The following PCNX3 variants were observed in gnomAD, a reference collection of about 807,000 sequenced individuals.
The protein encoded by PCNX3 is pecanex-like protein 3.
In PCNX3, 58 loss-of-function variants were observed where a neutral mutation model predicts 207.2. The observed-to-expected ratio is 0.28, with a 90% CI of 0.23 to 0.35. The LOEUF is 0.35. Among genes scored for constraint, PCNX3 ranks in the 10% least tolerant of loss-of-function variants. PCNX3 has a pLI of 1.00. For missense variants in PCNX3, 2,410 were observed against 2,774.4 expected (o/e 0.87, Z 2.95); for synonymous variants, 1,337 against 1,183.5 (o/e 1.13, Z -2.66).
rs761144096 is a variant in PCNX3, at chr11:65,636,832, C to A, written c.5959C>A (p.Pro1987Thr). The change falls in exon 35 of 35, where the codon CCC becomes ACC. Residue 1987 changes from proline to threonine, a missense_variant. By Grantham distance (38) the Pro-to-Thr change is conservative (BLOSUM62 -1). This residue lies in a region of PCNX3 where 278 missense variants were observed against 245.1 expected (regional missense o/e 1.13). Coordinates refer to ENST00000355703, the MANE Select transcript of PCNX3 (RefSeq NM_032223.4). ...LSPDVSTEAS[P>T]PRASQDIPCL... ...CCCCGATGTCAGCACTGAGGCCTCA[C>A]CCCCCAGAGCTTCCCAGGACATTCC... 5.2e-6 allele frequency: 8 copies of A among 1,550,798 alleles called. No homozygotes were observed. The Admixed American group carries it at 1.4e-4, about 27-fold the overall frequency.
chr11:65,633,992 A>G (rs1855721757), intron 27 of PCNX3, 134 bp from the exon 28 acceptor site: 5 of 822,438 alleles, frequency 6.1e-6, no homozygotes, highest in Non-Finnish European at 9.3e-6. Context: ...GAGAGCTGAG[A>G]TGGCTCTAGG....
rs111372829 is a variant in PCNX3, at chr11:65,625,022, G to A, written c.2919+6G>A. ...TCTGCCTTGGGGCCATCAAGGTAGG[G>A]GTGGCTTGCGAGGTGGGGGCATGCT... On this transcript the variant is annotated splice_donor_region_variant and intron_variant, in intron 16 of 34. Coordinates refer to ENST00000355703, the MANE Select transcript of PCNX3 (RefSeq NM_032223.4). This position sits in a 1 kb window ranked among gnomAD's most constrained non-coding sequence, Gnocchi z 5.6. The A allele has an allele frequency of 1.9e-6, 3 of 1,611,144 alleles. No individual in the cohort carries two copies. Among genetic ancestry groups the A allele is most frequent in the African/African-American group, 1.3e-5 (1 of 75,008 alleles).
intron 27 of PCNX3, among the ~76,000 whole-genome samples, chr11:65,632,743 T>A (rs1565170647): frequency 6.7e-6 from 1 of 150,056 alleles, no homozygotes; most frequent in African/African-American, 2.5e-5. Context: ...CTGAAGCTTT[T>A]CTTTTTTTTA....
Position 65,637,271 on chromosome 11 carries a change from A to G in PCNX3, c.*293A>G. 1 of 433,484 alleles carries G rather than the reference A, an allele frequency of 2.3e-6. No individual in the cohort carries two copies. Among genetic ancestry groups the G allele is most frequent in the Non-Finnish European group, 4.2e-6 (1 of 238,692 alleles). 26.9% of individuals were successfully genotyped at this position (433,484 alleles called of 1,614,324 possible). On this transcript the variant is annotated 3_prime_UTR_variant, in exon 35 of 35. Transcript: ENST00000355703. ...CCACTTGGAGCCTGTGGCCAGGACC[A>G]CCTCAGCCCCTGGGCCTGCACTGCC...
At position 65,628,713 on chromosome 11, in the gene PCNX3, C is replaced by T. The variant is rs751084467; in HGVS notation, c.3811+10C>T. On this transcript the variant is annotated intron_variant, in intron 23 of 34. Coordinates refer to ENST00000355703, the MANE Select transcript of PCNX3 (RefSeq NM_032223.4). ...CCGTTTGCCGTGCCACGTATCCAGC[C>T]TGTGTTTGGGTGGGGGTGTGCAGGG... 1 of 1,417,956 alleles carries T rather than the reference C, an allele frequency of 7.1e-7. No homozygotes were observed. The allele number at this position is 1,417,956 out of a possible 1,614,324, so 87.8% of individuals were successfully genotyped here.
In PCNX3 at chr11:65,634,250, T is replaced by C; in HGVS notation, c.4595T>C (p.Leu1532Pro). ...GYADSDPTFS[L>P]SVDEDYDLRL... ...GCCGACTCGGATCCCACCTTCTCGC[T>C]GAGTGTGGATGAGGACTATGACCTC... The change falls in exon 28 of 35, where the codon CTG becomes CCG. Residue 1532 changes from leucine to proline, a missense_variant. Around this residue, in one of 8 missense-constraint regions of PCNX3, gnomAD observed 420 missense variants for 705.3 expected, o/e 0.60. Transcript: ENST00000355703. 1 of 1,612,950 alleles carries C rather than the reference T, an allele frequency of 6.2e-7. No individual in the cohort carries two copies. The highest frequency in any genetic ancestry group is 2.2e-5 in the East Asian group (1 of 44,864).
At position 65,618,583 on chromosome 11, in the gene PCNX3, C is replaced by T; in HGVS notation, c.1221C>T (p.Ala407=). ...PLRRHSPPGR[A]PRRPLLEGGG... is the part of the protein sequence containing the mutation. Reference sequence around the variant, plus strand: ...GAAGACACTCTCCACCTGGCCGTGCCCCTCGACGGCCCCTGCTTGAAGGTG... The same window carrying T: ...GAAGACACTCTCCACCTGGCCGTGCTCCTCGACGGCCCCTGCTTGAAGGTG... Residue 407 remains alanine, a synonymous_variant, in exon 6 of 35, where the codon GCC becomes GCT. Transcript: ENST00000355703. 2.5e-6 allele frequency: 4 copies of T among 1,612,042 alleles called. No individual in the cohort carries two copies. The highest frequency in any genetic ancestry group is 2.2e-5 in the East Asian group (1 of 44,860).
Position 65,619,066 on chromosome 11 carries a change from AGGTG to A in PCNX3, c.1705_1705+3del, listed in dbSNP as rs1854924154. 1 of 1,578,788 alleles carries A rather than the reference AGGTG, an allele frequency of 6.3e-7. No homozygotes were observed. On this transcript the variant is annotated splice_donor_variant and splice_donor_region_variant and coding_sequence_variant and intron_variant, in exon 6 of 35. Transcript: ENST00000355703. LOFTEE classifies it high-confidence loss of function. ...TGCAGGAGGAAGGTGCTGTGGGGGG[AGGTG>A]AGTGCTTGCTCTAGAGGCAGGGGCT...
chr11:65,619,504 G>A lies in PCNX3; in HGVS notation c.1706-33G>A, dbSNP rs371426460. 4 of 1,606,450 alleles carry A rather than the reference G, an allele frequency of 2.5e-6. No homozygotes were observed. The South Asian group carries it at 3.3e-5, about 13-fold the overall frequency. On this transcript the variant is annotated intron_variant, in intron 6 of 34. Transcript: ENST00000355703. ...CTCCCCCAGCCTTGTCTGAGCATCT[G>A]TCACTTACACTTGGGGGCCTCTCTC...
In PCNX3 at chr11:65,635,657, C is replaced by T. The variant is rs910123548; in HGVS notation, c.5313C>T (p.Ser1771=). 6.2e-7 allele frequency: 1 copy of T among 1,612,642 alleles called. No homozygotes were observed. The highest frequency in any genetic ancestry group is 8.5e-7 in the Non-Finnish European group (1 of 1,179,672). ...AGGCGCTTCGCAACATGATCAACTCCTCCTGTGACCAGCCGCTGGGCTACC... is the reference window on the plus strand; with the variant it reads ...AGGCGCTTCGCAACATGATCAACTCTTCCTGTGACCAGCCGCTGGGCTACC... ...AKQALRNMIN[S]SCDQPLGYPI... The change falls in exon 32 of 35, where the codon TCC becomes TCT. Residue 1771 remains serine (S), a synonymous_variant. Coordinates refer to ENST00000355703, the MANE Select transcript of PCNX3 (RefSeq NM_032223.4). The surrounding 1 kb of genome is among the most constrained non-coding windows in gnomAD (Gnocchi z 9.9).
Position 65,630,688 on chromosome 11 carries a change from G to A in PCNX3, c.4470+84G>A, listed in dbSNP as rs184859875. 4.7e-4 allele frequency: 712 copies of A among 1,511,896 alleles called. No homozygotes were observed. The African/African-American group carries it at 8.9e-3, about 19-fold the overall frequency. The allele number at this position is 1,511,896 out of a possible 1,614,324, so 93.7% of individuals were successfully genotyped here. ...AGAGGCCCCAGTACCCCCTTTCTGG[G>A]TTGTTGGGAGCCTGTTTTGTCCAAG... is the stretch of plus-strand genomic sequence containing the variant. On this transcript the variant is annotated intron_variant, in intron 27 of 34. Transcript: ENST00000355703.
chr11:65,625,489 G>A lies in PCNX3; in HGVS notation c.3114G>A (p.Pro1038=), dbSNP rs368184507. The A allele has an allele frequency of 1.9e-5, 31 of 1,604,482 alleles. No individual in the cohort carries two copies. The highest frequency in any genetic ancestry group is 1.7e-4 in the Middle Eastern group (1 of 6,022). ...TARAEPPDPL[P]DKMRQSVREV... ...GGGCCGAGCCCCCGGACCCCTTGCC[G>A]GACAAGATGCGCCAGTCGGTGGTGA... The change falls in exon 18 of 35, where the codon CCG becomes CCA. Residue 1038 remains proline (P), a synonymous_variant. Transcript: ENST00000355703. The surrounding 1 kb of genome is among the most constrained non-coding windows in gnomAD (Gnocchi z 5.6).
At chr11:65,634,029 C>T (rs1470571762) in intron 27 of PCNX3, 97 bp from the exon 28 acceptor site, 1 of 1,153,772 alleles carries the variant, frequency 8.7e-7, no homozygotes, top group African/African-American at 1.5e-5. Flanking sequence ...AAGCGGACTT[C>T]AGCTCAGTCT....
chr11:65,620,790 G>T (rs759171660), intron 9 of PCNX3, 41 bp from the exon 10 acceptor site: 4 of 1,580,566 alleles, frequency 2.5e-6, no homozygotes, highest in South Asian at 1.2e-5. Context: ...CAGCCCCAGG[G>T]CTCGCCCGTG....
chr11:65,620,981 G>A lies in PCNX3; in HGVS notation c.2235+15G>A, dbSNP rs1181110027. 3 of 1,523,894 alleles carry A rather than the reference G, an allele frequency of 2.0e-6. No homozygotes were observed. The East Asian group carries it at 7.4e-5, about 37-fold the overall frequency. 94.4% of individuals were successfully genotyped at this position (1,523,894 alleles called of 1,614,324 possible). A position where few individuals can be genotyped will look rare whatever the true frequency, so the allele number is the denominator to read the frequency against. On this transcript the variant is annotated intron_variant, in intron 10 of 34. Transcript: ENST00000355703. ...AGATCCCGGAGGTGAGGAGCAGCCG[G>A]GGAAGGGCCGTGCCAGTGGGGCGTG...
rs760184097 is a variant in PCNX3, at chr11:65,618,970, T to C, written c.1608T>C (p.Ser536=). 58 of 1,603,284 alleles carry C rather than the reference T, an allele frequency of 3.6e-5. No individual in the cohort carries two copies. The highest frequency in any genetic ancestry group is 4.7e-5 in the Non-Finnish European group (55 of 1,177,914). Residue 536 remains serine (S), a synonymous_variant, in exon 6 of 35, where the codon AGT becomes AGC. Coordinates refer to ENST00000355703, the MANE Select transcript of PCNX3 (RefSeq NM_032223.4). ...AGGTTGGGGTGGAGCAGGCTGCTAG[T>C]GAGCCTGTTGTGCTGCCTGCTGAGG... ...EAQVGVEQAA[S]EPVVLPAEAR...
At chr11:65,617,412 T>C in intron 3 of PCNX3, 58 bp from the exon 4 acceptor site, 1 of 1,613,584 alleles carries the variant, frequency 6.2e-7, no homozygotes, top group South Asian at 1.1e-5. Flanking sequence ...CTACTGTGGG[T>C]GCATCCTGAG....
intron 28 of PCNX3, 32 bp from the exon 29 acceptor site, chr11:65,634,506 T>A (rs1326075712): frequency 1.3e-6 from 2 of 1,558,692 alleles, no homozygotes; most frequent in Admixed American, 3.8e-5. Flanking sequence ...AGGTCTGAGC[T>A]GGGCTCTGGG....
chr11:65,618,662 T>A lies in PCNX3; in HGVS notation c.1300T>A (p.Ser434Thr), dbSNP rs1237888093. 1.9e-6 allele frequency: 3 copies of A among 1,613,118 alleles called. No homozygotes were observed. Among genetic ancestry groups the A allele is most frequent in the Non-Finnish European group, 2.5e-6 (3 of 1,179,828 alleles). ...TGAGGGCAGTGAACTGAGCCCGGCC[T>A]CCAGTCTCCGATCGCAGCGCCGCTA... ...TSEGSELSPA[S>T]SLRSQRRYST... The change falls in exon 6 of 35, where the codon TCC (serine) becomes ACC (threonine). Residue 434 changes from serine to threonine, a missense_variant. Around this residue, in one of 8 missense-constraint regions of PCNX3, gnomAD observed 1,104 missense variants for 970.3 expected, o/e 1.14. Transcript: ENST00000355703.
Sources: gnomAD v4.1 joint callset for allele counts (sites outside exome capture counted in the v4.1 genomes callset) on GRCh38, gnomAD v4.1.1 for gene constraint, gnomAD v4.1.1 regional missense constraint, Gnocchi (gnomAD v3.1) non-coding constraint, MANE v1.5 for transcripts, NCBI Gene and HGNC (gene_info 2026-07-23, HGNC 2026-07-21) for gene names.